Variants in CLASP1 observed in about 807,000 individuals in gnomAD.
CLASP1 encodes the protein CLIP-associating protein 1.
CLASP1 carries 38 observed loss-of-function variants against 192.3 expected under a neutral mutation model. That is an observed-to-expected ratio of 0.20 (90% confidence interval 0.15 to 0.26). The LOEUF is 0.26. Ranked by LOEUF, CLASP1 falls within the 10% of genes least tolerant of loss-of-function variation. The pLI, the probability that CLASP1 is intolerant of heterozygous loss-of-function variation, is 1.00. For synonymous variants in CLASP1, 691 were observed against 712.8 expected, an observed-to-expected ratio of 0.97 and a Z score of 0.49; for missense variants, 1,433 against 1,932.5, an observed-to-expected ratio of 0.74 and a Z score of 4.85.
chr2:121,564,709 G>C (rs1413240408), intron 2 of CLASP1, among the ~76,000 whole-genome samples: 1 of 152,118 alleles, frequency 6.6e-6, no homozygotes, highest in Non-Finnish European at 1.5e-5. Flanking sequence ...GATTATCACC[G>C]AAACAACTCA....
intron 2 of CLASP1, among the ~76,000 whole-genome samples, chr2:121,572,554 A>G (rs762329632): frequency 6.6e-6 from 1 of 152,288 alleles, no homozygotes; most frequent in East Asian, 1.9e-4. Flanking sequence ...TTTATTGACA[A>G]CTGGATTGTG....
chr2:121,525,939 C>T lies in CLASP1; in HGVS notation c.471-19G>A. 6.3e-7 allele frequency: 1 copy of T among 1,596,716 alleles called. No individual in the cohort carries two copies. The highest frequency in any genetic ancestry group is 1.1e-5 in the South Asian group (1 of 89,894). On this transcript the variant is annotated intron_variant, in intron 5 of 39. Coordinates refer to ENST00000263710, the Ensembl canonical transcript of CLASP1. ...TCCAGAGCTGAAAACAAAAGGAGTGCTTTCTTGTTAGTGAGAACTGAGGAA... is the reference window on the plus strand; with the variant it reads ...TCCAGAGCTGAAAACAAAAGGAGTGTTTTCTTGTTAGTGAGAACTGAGGAA...
At chr2:121,610,718 A>T (rs2065228858) in intron 1 of CLASP1, among the ~76,000 whole-genome samples, 1 of 143,896 alleles carries the variant, frequency 6.9e-6, no homozygotes, top group Non-Finnish European at 1.5e-5. Context: ...GAGGAGGAGG[A>T]GTTACAGGAG....
rs570159249 is a variant in CLASP1 at position 121,350,887 on chromosome 2, G to C, written c.4207-2169C>G. 4.6e-5 allele frequency among the ~76,000 whole-genome samples: 7 copies of C among 152,306 alleles called. No individual in the cohort carries two copies. In the South Asian group the frequency reaches 1.2e-3, roughly 27 times the overall value. ...TTTTCCTCTTCATACTTTTTAGATA[G>C]ATAGAAAAATTGCAATGAACATTAG... On this transcript the variant is annotated intron_variant, in intron 37 of 39. Transcript: ENST00000263710.
At chr2:121,470,573 A>G (rs2149976529) in intron 8 of CLASP1, 1 of 407,346 alleles carries the variant, frequency 2.5e-6, no homozygotes, top group East Asian at 7.2e-5. Context: ...CAAGTGAAAC[A>G]CTCTTATTGT....
At chr2:121,445,030 A>C (rs1559221283) in intron 19 of CLASP1, 1 of 1,034,452 alleles carries the variant, frequency 9.7e-7, no homozygotes, top group Non-Finnish European at 1.4e-6. Context: ...AAAAATTAAA[A>C]AGCCGAATGT....
chr2:121,530,735 A>AGGGTCG (rs2094764978), intron 2 of CLASP1: 4 of 515,664 alleles, frequency 7.8e-6, no homozygotes, highest in Non-Finnish European at 1.4e-5. Flanking sequence ...GCCTCAGAAA[A>AGGGTCG]CAAAGAATTG....
Position 121,387,698 on chromosome 2 carries a change from C to G in CLASP1, c.3267+65G>C, listed in dbSNP as rs187964108. 1,963 of 1,517,482 alleles carry G rather than the reference C, an allele frequency of 1.3e-3. 12 individuals carry two copies. Among genetic ancestry groups the G allele is most frequent in the Non-Finnish European group, 9.9e-4 (1,092 of 1,098,210 alleles). The allele number at this position is 1,517,482 out of a possible 1,614,324, so 94.0% of individuals were successfully genotyped here. ...ACGGGGTATTCTATTAGAGTAGGTT[C>G]TAGATAAGGGCTACGCAGAGGTCAT... On this transcript the variant is annotated intron_variant, in intron 31 of 39. Coordinates refer to ENST00000263710, the Ensembl canonical transcript of CLASP1.
At chr2:121,397,033 G>T in intron 30 of CLASP1, 107 bp downstream of exon 31, 1 of 1,033,206 alleles carries the variant, frequency 9.7e-7, no homozygotes, top group South Asian at 1.4e-5. Context: ...GAGCCTTAGT[G>T]ATATAGGTTT....
At chr2:121,617,083 C>T (rs765942475) in intron 1 of CLASP1, among the ~76,000 whole-genome samples, 2 of 152,186 alleles carry the variant, frequency 1.3e-5, no homozygotes, top group Non-Finnish European at 2.9e-5. Context: ...CTGCACCTAC[C>T]AACTAAGCTA....
chr2:121,387,178 G>A, exon 32 of CLASP1: 1 of 1,612,580 alleles, frequency 6.2e-7, no homozygotes, highest in African/African-American at 1.3e-5. Flanking sequence ...GGCTGGTCCT[G>A]CTGCTGGTGT....
chr2:121,352,231 G>A (rs1391523726), intron 37 of CLASP1, among the ~76,000 whole-genome samples: 6 of 152,218 alleles, frequency 3.9e-5, no homozygotes, highest in Admixed American at 6.5e-5. Flanking sequence ...AAGGGCCCTC[G>A]GCCATGCACA....
At chr2:121,648,101 G>A (rs1165244520) in intron 1 of CLASP1, among the ~76,000 whole-genome samples, 2 of 152,142 alleles carry the variant, frequency 1.3e-5, no homozygotes, top group Non-Finnish European at 2.9e-5. Flanking sequence ...CTATATGGTC[G>A]CAACATCAAT....
intron 8 of CLASP1, among the ~76,000 whole-genome samples, chr2:121,500,344 A>G (rs867999830): frequency 1.7e-5 from 2 of 119,310 alleles, no homozygotes; most frequent in African/African-American, 3.2e-5. Flanking sequence ...GAAAGAAAGA[A>G]AAAGAAAGAA....
At chr2:121,418,711 G>A in exon 23 of CLASP1, 1 of 1,613,492 alleles carries the variant, frequency 6.2e-7, no homozygotes, top group Non-Finnish European at 8.5e-7. Context: ...GCTGGGTCGA[G>A]GGATACGGCT....
At chr2:121,354,609 C>A (rs1298525913) in intron 37 of CLASP1, among the ~76,000 whole-genome samples, 1 of 152,240 alleles carries the variant, frequency 6.6e-6, no homozygotes, top group Non-Finnish European at 1.5e-5. Context: ...CAAGAAATTA[C>A]TGCCCAAGTA....
chr2:121,525,618 G>A (rs2094556507), intron 6 of CLASP1, among the ~76,000 whole-genome samples: 1 of 152,000 alleles, frequency 6.6e-6, no homozygotes, highest in South Asian at 2.1e-4. Flanking sequence ...GTATAGAAGA[G>A]GACAGACTGG....
chr2:121,349,453 C>A (rs2063955638), intron 37 of CLASP1, among the ~76,000 whole-genome samples: 1 of 152,088 alleles, frequency 6.6e-6, no homozygotes, highest in Non-Finnish European at 1.5e-5. Context: ...AATTGGAGAA[C>A]CTCCGCCCTA....
chr2:121,385,534 C>T (rs6713074), intron 32 of CLASP1, among the ~76,000 whole-genome samples: 38,313 of 152,104 alleles, frequency 0.25, 7,725 homozygotes, highest in African/African-American at 0.56. Flanking sequence ...CCCATGGAGA[C>T]TGACTTAGCC....
Sources: allele counts gnomAD v4.1 joint callset (sites outside exome capture counted in the v4.1 genomes callset), GRCh38; gene constraint gnomAD v4.1.1; transcripts MANE v1.5; gene names NCBI Gene and HGNC (gene_info 2026-07-23, HGNC 2026-07-21).